Variants in GPC5 observed in about 807,000 individuals in gnomAD.
GPC5 encodes the protein glypican-5.
A neutral mutation model predicts 53.9 loss-of-function variants in GPC5; 47 were observed. The observed-to-expected ratio is 0.87, with a 90% CI of 0.69 to 1.11. The LOEUF (loss-of-function observed/expected upper bound fraction) is 1.11. Among genes scored for constraint, GPC5 ranks in the 50% most tolerant of loss-of-function variants. GPC5 has a pLI of 0.00. For synonymous variants in GPC5, 286 were observed against 263.3 expected, an observed-to-expected ratio of 1.09 and a Z score of -0.84; for missense variants, 748 against 713.1, an observed-to-expected ratio of 1.05 and a Z score of -0.56.
intron 1 of GPC5, among the ~76,000 whole-genome samples, chr13:91,416,816 G>A (rs1037557019): frequency 1.3e-4 from 20 of 152,142 alleles, no homozygotes; most frequent in East Asian, 1.9e-4. Flanking sequence ...ATTCCATGGT[G>A]TATGTTTGCC....
At chr13:91,627,711 C>T (rs566735442) in intron 2 of GPC5, among the ~76,000 whole-genome samples, 80 of 152,188 alleles carry the variant, frequency 5.3e-4, no homozygotes, top group Non-Finnish European at 8.2e-4. Context: ...AGTTTGTCTA[C>T]TTGGACTCAT....
chr13:91,759,107 C>T (rs528256684), intron 5 of GPC5, among the ~76,000 whole-genome samples: 42 of 151,988 alleles, frequency 2.8e-4, no homozygotes, highest in Non-Finnish European at 5.6e-4. Flanking sequence ...CTTTTAATGC[C>T]CCAAGTAAGT....
intron 2 of GPC5, among the ~76,000 whole-genome samples, chr13:91,581,747 A>T (rs1424788143): frequency 6.6e-6 from 1 of 152,128 alleles, no homozygotes; most frequent in Admixed American, 6.6e-5. Flanking sequence ...CGACTTCTCA[A>T]TCATTAAGAT....
At chr13:92,357,029 C>A (rs2043528148) in intron 7 of GPC5, among the ~76,000 whole-genome samples, 1 of 148,070 alleles carries the variant, frequency 6.8e-6, no homozygotes, top group African/African-American at 2.7e-5. Flanking sequence ...CATCCATGTT[C>A]CTGCAAAGGA....
chr13:92,337,039 G>C (rs2043328867), intron 7 of GPC5, among the ~76,000 whole-genome samples: 1 of 152,070 alleles, frequency 6.6e-6, no homozygotes, highest in Non-Finnish European at 1.5e-5. Flanking sequence ...ATCTCCCACT[G>C]GGTCCTTCCC....
intron 4 of GPC5, among the ~76,000 whole-genome samples, chr13:91,737,397 C>T (rs1443641701): frequency 6.6e-6 from 1 of 151,302 alleles, no homozygotes; most frequent in East Asian, 1.9e-4. Flanking sequence ...CAAGAGAATA[C>T]CTCTAGCAGA....
chr13:91,550,811 C>T (rs2030593959), intron 2 of GPC5, among the ~76,000 whole-genome samples: 1 of 152,046 alleles, frequency 6.6e-6, no homozygotes, highest in Non-Finnish European at 1.5e-5. Flanking sequence ...CCATACTGTT[C>T]TTGTGGTGAA....
chr13:92,048,644 A>G (rs550427188), intron 6 of GPC5, among the ~76,000 whole-genome samples: 1 of 152,344 alleles, frequency 6.6e-6, no homozygotes, highest in South Asian at 2.1e-4. Flanking sequence ...TATGATTCTT[A>G]TACCAGTCAT....
At chr13:91,695,527 C>T (rs1269987968) in intron 3 of GPC5, among the ~76,000 whole-genome samples, 2 of 152,084 alleles carry the variant, frequency 1.3e-5, no homozygotes, top group African/African-American at 4.8e-5. Context: ...GTGCCCACTA[C>T]CATGCCCAAC....
At chr13:92,431,919 C>A (rs1040099859) in intron 7 of GPC5, among the ~76,000 whole-genome samples, 10 of 152,072 alleles carry the variant, frequency 6.6e-5, no homozygotes, top group Admixed American at 5.9e-4. Flanking sequence ...GTAGTGCTGG[C>A]AGATTGTAGG....
chr13:91,756,499 A>AGTTT, intron 5 of GPC5, 79 bp downstream of exon 5: 1 of 1,243,510 alleles, frequency 8.0e-7, no homozygotes. Flanking sequence ...GGATTAATTC[A>AGTTT]GTCTTAACTT....
intron 7 of GPC5, among the ~76,000 whole-genome samples, chr13:92,162,333 G>A (rs1476553816): frequency 2.6e-5 from 4 of 151,900 alleles, no homozygotes; most frequent in African/African-American, 7.3e-5. Context: ...ATTATTAATT[G>A]GTCCTTAATT....
chr13:92,629,556 A>T (rs185119084), intron 7 of GPC5, among the ~76,000 whole-genome samples: 334 of 152,360 alleles, frequency 2.2e-3, no homozygotes, highest in African/African-American at 7.7e-3. Context: ...AAGATAGTAG[A>T]TAAACAATGC....
intron 5 of GPC5, among the ~76,000 whole-genome samples, chr13:91,802,259 G>A (rs764466744): frequency 2.4e-4 from 37 of 151,950 alleles, no homozygotes; most frequent in Non-Finnish European, 4.4e-4. Flanking sequence ...TGGTGGGTTC[G>A]TGGTCTCACT....
chr13:91,585,632 G>T (rs2032534282), intron 2 of GPC5, among the ~76,000 whole-genome samples: 2 of 152,200 alleles, frequency 1.3e-5, no homozygotes, highest in Non-Finnish European at 2.9e-5. Flanking sequence ...TGTTTGGGGG[G>T]TGGAGGGAGC....
chr13:91,637,163 A>G (rs545822221), intron 2 of GPC5, among the ~76,000 whole-genome samples: 35 of 152,340 alleles, frequency 2.3e-4, no homozygotes, highest in African/African-American at 7.2e-4. Context: ...GACAGTTACA[A>G]GGTTTTCATA....
chr13:91,929,666 C>T (rs2039802847), intron 6 of GPC5, among the ~76,000 whole-genome samples: 1 of 152,026 alleles, frequency 6.6e-6, no homozygotes, highest in Non-Finnish European at 1.5e-5. Flanking sequence ...GTTTGGTTGT[C>T]ATTTTAATGG....
At chr13:92,513,901 CT>C (rs1456821916) in intron 7 of GPC5, among the ~76,000 whole-genome samples, 1 of 152,058 alleles carries the variant, frequency 6.6e-6, no homozygotes, top group African/African-American at 2.4e-5. Flanking sequence ...GAATTTTCTA[CT>C]TGTGGCATCA....
At chr13:91,573,814 C>A (rs1032922053) in intron 2 of GPC5, among the ~76,000 whole-genome samples, 1 of 152,134 alleles carries the variant, frequency 6.6e-6, no homozygotes, top group Admixed American at 6.6e-5. Context: ...AAAATGAACT[C>A]TGATAAGAGA....
Sources: gnomAD v4.1 joint callset for allele counts (sites outside exome capture counted in the v4.1 genomes callset) on GRCh38, gnomAD v4.1.1 for gene constraint, MANE v1.5 for transcripts, NCBI Gene and HGNC (gene_info 2026-07-23, HGNC 2026-07-21) for gene names.